SAMD12: variants seen among roughly 807,000 people sequenced by gnomAD.
The protein encoded by SAMD12 is sterile alpha motif domain-containing protein 12.
In SAMD12, 9 loss-of-function variants were observed where a neutral mutation model predicts 15.0. The observed-to-expected ratio is 0.60, with a 90% CI of 0.36 to 1.05. SAMD12 has a LOEUF of 1.05. Among genes scored for constraint, SAMD12 ranks in the 50% least tolerant of loss-of-function variants. The pLI, the probability that SAMD12 is intolerant of heterozygous loss-of-function variation, is 0.01. For missense variants in SAMD12, 230 were observed against 234.2 expected (o/e 0.98, Z 0.12); for synonymous variants, 86 against 90.1 (o/e 0.96, Z 0.25).
intron 3 of SAMD12, among the ~76,000 whole-genome samples, chr8:118,430,956 T>C (rs1426538673): frequency 6.6e-6 from 1 of 151,950 alleles, no homozygotes; most frequent in East Asian, 1.9e-4. Context: ...TGCTCTTGTT[T>C]CTCTCTTTTT....
chr8:118,410,256 T>C (rs1425134265), intron 3 of SAMD12, among the ~76,000 whole-genome samples: 3 of 152,034 alleles, frequency 2.0e-5, no homozygotes, highest in African/African-American at 4.8e-5. Flanking sequence ...AAAATGAAGG[T>C]TGAAAGGGAG....
At chr8:118,527,337 A>G (rs1825561397) in intron 2 of SAMD12, among the ~76,000 whole-genome samples, 1 of 152,182 alleles carries the variant, frequency 6.6e-6, no homozygotes, top group South Asian at 2.1e-4. Context: ...GTAGACACCA[A>G]CTGTGAATGC....
intron 4 of SAMD12, among the ~76,000 whole-genome samples, chr8:118,319,677 C>T (rs559959212): frequency 8.6e-5 from 13 of 152,026 alleles, no homozygotes; most frequent in Middle Eastern, 3.2e-3. Flanking sequence ...ATGATGCAGA[C>T]GAGGAAGAGC....
At chr8:118,321,997 A>G (rs952014587) in intron 4 of SAMD12, among the ~76,000 whole-genome samples, 1 of 152,160 alleles carries the variant, frequency 6.6e-6, no homozygotes, top group Admixed American at 6.6e-5. Context: ...GCTGCCATTC[A>G]AATTGTCTTG....
intron 2 of SAMD12, among the ~76,000 whole-genome samples, chr8:118,535,339 G>A (rs1217536063): frequency 1.3e-5 from 2 of 152,206 alleles, no homozygotes; most frequent in Non-Finnish European, 2.9e-5. Flanking sequence ...CTGGCTGTAT[G>A]AGGTGTCAGT....
Position 118,316,242 on chromosome 8 carries a change from G to A in SAMD12, c.433+63318C>T, listed in dbSNP as rs575140932. 3.9e-5 allele frequency among the ~76,000 whole-genome samples: 6 copies of A among 152,018 alleles called. No individual in the cohort carries two copies. The East Asian group carries it at 1.2e-3, about 29-fold the overall frequency. On this transcript the variant is annotated intron_variant, in intron 4 of 4. Coordinates refer to the SAMD12 transcript ENST00000409003. ...TCAGCCATATCAAGAGCATATAAAA[G>A]TTGGGAGATTGGCCAGGTGCGGTGG...
downstream of SAMD12, among the ~76,000 whole-genome samples, chr8:118,374,608 G>T (rs1409523603): frequency 6.6e-6 from 1 of 151,982 alleles, no homozygotes; most frequent in East Asian, 1.9e-4. Flanking sequence ...ACAGTATACA[G>T]GGGATCCAAT....
In SAMD12 at chr8:118,621,918, C is replaced by A; in HGVS notation, c.-102G>T. On this transcript the variant is annotated 5_prime_UTR_variant, in exon 1 of 4. Transcript: ENST00000314727. ...CTCGCTTTCGCCTAAATATTCTGCG[C>A]TTATCTGCTCCAGGACCAACCTGCC... 1.4e-6 allele frequency: 2 copies of A among 1,382,326 alleles called. No homozygotes were observed. The highest frequency in any genetic ancestry group is 1.0e-6 in the Non-Finnish European group (1 of 969,226). 85.6% of individuals were successfully genotyped at this position (1,382,326 alleles called of 1,614,324 possible). A position where few individuals can be genotyped will look rare whatever the true frequency, so the allele number is the denominator to read the frequency against.
At chr8:118,612,680 T>TA (rs543252519) in intron 1 of SAMD12, among the ~76,000 whole-genome samples, 27 of 152,220 alleles carry the variant, frequency 1.8e-4, no homozygotes, top group Non-Finnish European at 3.5e-4. Flanking sequence ...AGGTAAAACA[T>TA]ACTCACTATA....
intron 2 of SAMD12, among the ~76,000 whole-genome samples, chr8:118,487,606 T>C (rs1002576256): frequency 6.6e-6 from 1 of 152,236 alleles, no homozygotes. Flanking sequence ...GCCTTTAACC[T>C]AATAAGTATT....
At chr8:118,191,850 A>AGAGAGAGAGAGT (rs1306244240) in exon 5 of SAMD12, 3 of 122,584 alleles carry the variant, frequency 2.4e-5, no homozygotes, top group Admixed American at 8.0e-5. Context: ...AGAGAGAGAG[A>AGAGAGAGAGAGT]GTGAGAAAAG....
chr8:118,263,247 A>T (rs781248344), intron 4 of SAMD12, among the ~76,000 whole-genome samples: 24 of 152,132 alleles, frequency 1.6e-4, no homozygotes, highest in Non-Finnish European at 2.6e-4. Flanking sequence ...AAACCTCACG[A>T]AAGTGAAGTA....
chr8:118,267,174 T>C (rs926765992), intron 4 of SAMD12, among the ~76,000 whole-genome samples: 9 of 152,094 alleles, frequency 5.9e-5, no homozygotes, highest in Non-Finnish European at 1.3e-4. Flanking sequence ...ATAATGTAAG[T>C]TACTAGGGTA....
chr8:118,453,602 C>A (rs1276881968), intron 2 of SAMD12, among the ~76,000 whole-genome samples: 1 of 152,118 alleles, frequency 6.6e-6, no homozygotes, highest in African/African-American at 2.4e-5. Flanking sequence ...CTCACTGCAG[C>A]CTTAACTTCT....
intron 2 of SAMD12, among the ~76,000 whole-genome samples, chr8:118,463,919 T>G (rs571947771): frequency 1.3e-5 from 2 of 152,246 alleles, no homozygotes; most frequent in African/African-American, 4.8e-5. Context: ...GGGCCTTAAT[T>G]AGATTACTGG....
intron 2 of SAMD12, among the ~76,000 whole-genome samples, chr8:118,531,714 T>G (rs943245480): frequency 3.9e-5 from 6 of 152,206 alleles, no homozygotes; most frequent in African/African-American, 1.4e-4. Flanking sequence ...TCACTCATGA[T>G]TTGGCTCTCT....
intron 1 of SAMD12, among the ~76,000 whole-genome samples, chr8:118,584,144 T>C (rs574354007): frequency 6.6e-6 from 1 of 152,312 alleles, no homozygotes; most frequent in South Asian, 2.1e-4. Flanking sequence ...GTAGGCTTAT[T>C]TTTCACACAA....
the SAMD12 span, among the ~76,000 whole-genome samples, chr8:118,153,331 G>A: frequency 1.2e-5 from 1 of 83,782 alleles, no homozygotes; most frequent in Non-Finnish European, 2.9e-5. Flanking sequence ...AAGCCCCACT[G>A]CACAAGCACA....
chr8:118,173,416 C>T, the SAMD12 span, among the ~76,000 whole-genome samples: 1 of 152,020 alleles, frequency 6.6e-6, no homozygotes, highest in Non-Finnish European at 1.5e-5. Context: ...ATTGGTGCCC[C>T]TGGAACCTCC....
Sources: gnomAD v4.1 joint callset for allele counts (sites outside exome capture counted in the v4.1 genomes callset) on GRCh38, gnomAD v4.1.1 for gene constraint, MANE v1.5 for transcripts, NCBI Gene and HGNC (gene_info 2026-07-23, HGNC 2026-07-21) for gene names.